The following RAPGEF6 variants were observed in gnomAD, a reference collection of about 807,000 sequenced individuals.
The protein encoded by RAPGEF6 is PDZ domain containing guanine nucleotide exchange factor (GEF) 2.
A neutral mutation model predicts 171.4 loss-of-function variants in RAPGEF6; 56 were observed. The ratio of observed to expected loss-of-function variants is 0.33; its 90% confidence interval spans 0.26 to 0.41. The LOEUF is 0.41. Among genes scored for constraint, RAPGEF6 ranks in the 10% least tolerant of loss-of-function variants. RAPGEF6 has a pLI of 1.00. For synonymous variants in RAPGEF6, 692 were observed against 650.1 expected, an observed-to-expected ratio of 1.06 and a Z score of -0.98; for missense variants, 1,674 against 1,921.4, an observed-to-expected ratio of 0.87 and a Z score of 2.41.
intron 15 of RAPGEF6, among the ~76,000 whole-genome samples, chr5:131,481,289 G>C (rs940659904): frequency 6.6e-6 from 1 of 151,602 alleles, no homozygotes; most frequent in Non-Finnish European, 1.5e-5. Context: ...TCAGTGGTGT[G>C]ATCAGGGCTC....
At chr5:131,619,372 G>A (rs762326096) in intron 1 of RAPGEF6, among the ~76,000 whole-genome samples, 11 of 152,118 alleles carry the variant, frequency 7.2e-5, no homozygotes, top group Non-Finnish European at 1.0e-4. Flanking sequence ...TAATGTAGAT[G>A]ACAGGTTGAT....
intron 27 of RAPGEF6, among the ~76,000 whole-genome samples, chr5:131,427,949 A>G (rs1751471793): frequency 6.6e-6 from 1 of 151,890 alleles, no homozygotes. Context: ...CTCAAATACA[A>G]AAAATTAGCT....
At position 131,505,453 on chromosome 5, in the gene RAPGEF6, A is replaced by C. The variant is rs776190969; in HGVS notation, c.1012T>G (p.Leu338Val). Residue 338 changes from leucine (L) to valine (V), a missense_variant, in exon 10 of 28, where the codon TTG becomes GTG. Leu to Val is a conservative substitution (Grantham distance 32). Transcript: ENST00000509018. ...ISHPDGKVEN[L>V]FMGNSFGITP... is the part of the protein sequence containing the mutation. ...ATTCCAAAACTATTTCCCATAAACA[A>C]ATTTTCAACTTTTCCATCTGGATGA... 2 of 1,613,434 alleles carry C rather than the reference A, an allele frequency of 1.2e-6. No individual in the cohort carries two copies. The highest frequency in any genetic ancestry group is 2.7e-5 in the African/African-American group (2 of 74,896).
intron 7 of RAPGEF6, among the ~76,000 whole-genome samples, chr5:131,516,469 G>A (rs146670006): frequency 0.01 from 1,598 of 152,272 alleles, 82 homozygotes; most frequent in East Asian, 0.039. Flanking sequence ...TCCGAGCTGT[G>A]CATTAGGAAA....
intron 4 of RAPGEF6, among the ~76,000 whole-genome samples, chr5:131,585,196 A>G (rs1580625158): frequency 6.6e-6 from 1 of 152,110 alleles, no homozygotes; most frequent in African/African-American, 2.4e-5. Context: ...ACGCAACATT[A>G]TACCATACCC....
At chr5:131,575,420 C>T (rs1027313156) in intron 4 of RAPGEF6, among the ~76,000 whole-genome samples, 1 of 152,192 alleles carries the variant, frequency 6.6e-6, no homozygotes, top group Non-Finnish European at 1.5e-5. Context: ...GCGTATCCCC[C>T]TCTAAAGCCC....
At chr5:131,535,858 A>G (rs1759732228) in intron 6 of RAPGEF6, among the ~76,000 whole-genome samples, 1 of 152,192 alleles carries the variant, frequency 6.6e-6, no homozygotes, top group Non-Finnish European at 1.5e-5. Flanking sequence ...AATATGTGAC[A>G]ACACTGAAAA....
At chr5:131,464,432 G>T in intron 17 of RAPGEF6, 151 bp from the exon 18 acceptor site, 14 of 582,484 alleles carry the variant, frequency 2.4e-5, no homozygotes, top group East Asian at 3.2e-5. Flanking sequence ...TGCATTTATT[G>T]ATAAATATAT....
intron 4 of RAPGEF6, among the ~76,000 whole-genome samples, chr5:131,578,831 C>A (rs563328330): frequency 6.6e-6 from 1 of 152,280 alleles, no homozygotes; most frequent in East Asian, 1.9e-4. Context: ...TAAGAAGACA[C>A]CTACTCTGCA....
intron 22 of RAPGEF6, among the ~76,000 whole-genome samples, chr5:131,445,034 C>T (rs757822644): frequency 2.6e-5 from 4 of 152,134 alleles, no homozygotes; most frequent in Admixed American, 6.6e-5. Flanking sequence ...ATAACTTCGA[C>T]GTACAAAGAA....
chr5:131,428,437 A>G (rs1580809776), intron 27 of RAPGEF6, among the ~76,000 whole-genome samples: 1 of 143,376 alleles, frequency 7.0e-6, no homozygotes, highest in Non-Finnish European at 1.5e-5. Context: ...AAACCAAAAC[A>G]CTCCCCCATA....
At chr5:131,575,160 C>A (rs1762534132) in intron 4 of RAPGEF6, among the ~76,000 whole-genome samples, 1 of 152,160 alleles carries the variant, frequency 6.6e-6, no homozygotes, top group African/African-American at 2.4e-5. Flanking sequence ...CTCATTCCAA[C>A]CTCTTTTCAC....
At chr5:131,567,192 T>C (rs1321917579) in intron 4 of RAPGEF6, among the ~76,000 whole-genome samples, 1 of 152,318 alleles carries the variant, frequency 6.6e-6, no homozygotes, top group South Asian at 2.1e-4. Context: ...TATCTTTTTT[T>C]TCATGGTCAG....
At chr5:131,512,509 A>G (rs1474928063) in intron 7 of RAPGEF6, among the ~76,000 whole-genome samples, 1 of 151,942 alleles carries the variant, frequency 6.6e-6, no homozygotes, top group African/African-American at 2.4e-5. Flanking sequence ...TGTTAATTCA[A>G]GTTAAGGCTC....
chr5:131,464,722 CCT>C (rs1372468126), intron 17 of RAPGEF6, among the ~76,000 whole-genome samples: 2 of 152,122 alleles, frequency 1.3e-5, no homozygotes, highest in Admixed American at 1.3e-4. Flanking sequence ...CCCGTTACCC[CCT>C]GTCAAAAGTA....
intron 1 of RAPGEF6, among the ~76,000 whole-genome samples, chr5:131,632,059 G>A (rs6898855): frequency 1.5e-5 from 2 of 130,218 alleles, no homozygotes; most frequent in Admixed American, 1.7e-4. Context: ...CTGGGTGACA[G>A]AGCAAGACTC....
At chr5:131,548,006 A>C in intron 6 of RAPGEF6, 41 bp downstream of exon 6, 2 of 1,594,082 alleles carry the variant, frequency 1.3e-6, no homozygotes, top group African/African-American at 2.7e-5. Context: ...CTAGATATGA[A>C]AATTAAGGAA....
Position 131,500,922 on chromosome 5 carries a change from T to G in RAPGEF6, c.1255-2315A>C, listed in dbSNP as rs555635637. Among the ~76,000 whole-genome samples, 41 of 152,104 alleles carry G rather than the reference T, an allele frequency of 2.7e-4. 1 individual carries two copies. The South Asian group carries it at 4.8e-3, about 18-fold the overall frequency. On this transcript the variant is annotated intron_variant, in intron 11 of 27. Coordinates refer to ENST00000509018, the MANE Select transcript of RAPGEF6 (RefSeq NM_016340.6). ...GAACTGAATGAAGAAATGAATGAAA[T>G]GAAAAGTAGTAACTGCTTTCTGTGT... is the stretch of plus-strand genomic sequence containing the variant.
chr5:131,577,865 C>T (rs1007786117), intron 4 of RAPGEF6, among the ~76,000 whole-genome samples: 10 of 152,196 alleles, frequency 6.6e-5, no homozygotes, highest in African/African-American at 2.4e-4. Flanking sequence ...CCTAATACAT[C>T]CTTTCATCCT....
Sources: allele counts gnomAD v4.1 joint callset (sites outside exome capture counted in the v4.1 genomes callset), GRCh38; gene constraint gnomAD v4.1.1; transcripts MANE v1.5; gene names NCBI Gene and HGNC (gene_info 2026-07-23, HGNC 2026-07-21).